The following HMGB1 variants were observed in gnomAD, a reference collection of about 807,000 sequenced individuals.
HMGB1 encodes high mobility group protein B1.
For missense variants in HMGB1, 79 were observed against 253.5 expected, an observed-to-expected ratio of 0.31 and a Z score of 4.67; for synonymous variants, 81 against 84.0, an observed-to-expected ratio of 0.96 and a Z score of 0.19.
chr13:30,590,436 G>A (rs1871318531), intron 1 of HMGB1, among the ~76,000 whole-genome samples: 1 of 152,142 alleles, frequency 6.6e-6, no homozygotes, highest in South Asian at 2.1e-4. Flanking sequence ...CCGGGCTCAA[G>A]TGATCCACCT....
At chr13:30,539,162 G>A (rs1868742841) in intron 1 of HMGB1, among the ~76,000 whole-genome samples, 1 of 152,216 alleles carries the variant, frequency 6.6e-6, no homozygotes, top group South Asian at 2.1e-4. Context: ...CTCCCAAAGT[G>A]CTGGGATTAC....
intron 1 of HMGB1, among the ~76,000 whole-genome samples, chr13:30,612,552 A>G (rs1950522261): frequency 6.6e-6 from 1 of 152,176 alleles, no homozygotes; most frequent in South Asian, 2.1e-4. Context: ...TTCTTTTGCT[A>G]TTGTTTCTAC....
intron 1 of HMGB1, among the ~76,000 whole-genome samples, chr13:30,611,708 A>G (rs1414305208): frequency 6.6e-6 from 1 of 152,222 alleles, no homozygotes; most frequent in African/African-American, 2.4e-5. Context: ...AATAAGGACT[A>G]TGCATTATTC....
Position 30,460,261 on chromosome 13 carries a change from T to A in HMGB1, c.*1096A>T, listed in dbSNP as rs1433066268. On this transcript the variant is annotated 3_prime_UTR_variant, in exon 5 of 5. Coordinates refer to ENST00000341423, the MANE Select transcript of HMGB1 (RefSeq NM_002128.7). ...AATATACCCTATTTTGAATGTGGCATCTTTGTTTGAAAAGCTGGCCCAATT... is the reference window on the plus strand; with the variant it reads ...AATATACCCTATTTTGAATGTGGCAACTTTGTTTGAAAAGCTGGCCCAATT... 1 of 150,380 alleles carries A rather than the reference T, an allele frequency of 6.6e-6. No individual in the cohort carries two copies. The highest frequency in any genetic ancestry group is 1.5e-5 in the Non-Finnish European group (1 of 67,858). The allele number at this position is 150,380 out of a possible 1,614,324, so 9.3% of individuals were successfully genotyped here. A position where few individuals can be genotyped will look rare whatever the true frequency, so the allele number is the denominator to read the frequency against.
intron 1 of HMGB1, among the ~76,000 whole-genome samples, chr13:30,531,813 C>T (rs1220449402): frequency 2.6e-5 from 4 of 151,694 alleles, no homozygotes; most frequent in African/African-American, 9.7e-5. Flanking sequence ...AGGAGAATGG[C>T]TTGAACCCAG....
intron 1 of HMGB1, among the ~76,000 whole-genome samples, chr13:30,599,177 T>C (rs952343717): frequency 1.3e-5 from 2 of 152,152 alleles, no homozygotes; most frequent in African/African-American, 4.8e-5. Flanking sequence ...TGTCGTAACG[T>C]AACACTACAG....
intron 1 of HMGB1, among the ~76,000 whole-genome samples, chr13:30,541,377 T>A (rs1868875791): frequency 6.6e-6 from 1 of 152,342 alleles, no homozygotes; most frequent in Middle Eastern, 3.4e-3. Flanking sequence ...AGTCTTAGCA[T>A]TGATAAAACC....
chr13:30,530,303 C>T (rs754913752), intron 1 of HMGB1, among the ~76,000 whole-genome samples: 24 of 152,098 alleles, frequency 1.6e-4, no homozygotes, highest in Admixed American at 9.8e-4. Flanking sequence ...CCCATGCCCA[C>T]GATATCTCAT....
intron 1 of HMGB1, among the ~76,000 whole-genome samples, chr13:30,515,887 T>C (rs1346965145): frequency 6.6e-6 from 1 of 152,204 alleles, no homozygotes; most frequent in East Asian, 1.9e-4. Flanking sequence ...TAAAATTTCT[T>C]TGCATGAATT....
intron 1 of HMGB1, among the ~76,000 whole-genome samples, chr13:30,475,605 TAGG>T (rs1453406214): frequency 6.6e-6 from 1 of 151,214 alleles, no homozygotes; most frequent in African/African-American, 2.4e-5. Flanking sequence ...AAGGCTGAGA[TAGG>T]AGGATTGTTT....
At chr13:30,477,268 T>C (rs1887119224) in intron 1 of HMGB1, among the ~76,000 whole-genome samples, 2 of 149,788 alleles carry the variant, frequency 1.3e-5, no homozygotes. Context: ...CTACCATTGT[T>C]GCGATGGACT....
chr13:30,563,586 C>T (rs79031494), intron 1 of HMGB1, among the ~76,000 whole-genome samples: 20 of 152,016 alleles, frequency 1.3e-4, no homozygotes, highest in Admixed American at 2.6e-4. Context: ...CTCCAGCCTG[C>T]GCAACACACT....
At chr13:30,483,373 C>T (rs1887281552) in intron 1 of HMGB1, among the ~76,000 whole-genome samples, 2 of 152,064 alleles carry the variant, frequency 1.3e-5, no homozygotes, top group South Asian at 2.1e-4. Context: ...CCTCACTCCC[C>T]GCAACCAGCA....
intron 1 of HMGB1, among the ~76,000 whole-genome samples, chr13:30,555,169 G>C (rs1188745740): frequency 1.3e-5 from 2 of 151,374 alleles, no homozygotes; most frequent in East Asian, 3.9e-4. Flanking sequence ...AGCCTCCGGA[G>C]TAGCTGGGAA....
At chr13:30,612,367 G>A (rs1950520769) in intron 1 of HMGB1, among the ~76,000 whole-genome samples, 1 of 152,138 alleles carries the variant, frequency 6.6e-6, no homozygotes. Context: ...AGACTCCAAG[G>A]ATGAGAAGAC....
intron 1 of HMGB1, among the ~76,000 whole-genome samples, chr13:30,544,154 G>C (rs1037784326): frequency 6.6e-6 from 1 of 152,198 alleles, no homozygotes; most frequent in Non-Finnish European, 1.5e-5. Context: ...GCCTGGGATT[G>C]AACATGCAAG....
At chr13:30,538,668 C>CTTTCTTTCCTT (rs1555238872) in intron 1 of HMGB1, among the ~76,000 whole-genome samples, 4 of 19,652 alleles carry the variant, frequency 2.0e-4, no homozygotes, top group African/African-American at 6.1e-4. Flanking sequence ...TCTTTCCTTT[C>CTTTCTTTCCTT]TTTCTTTCTT....
chr13:30,556,475 C>T (rs576481907), intron 1 of HMGB1, among the ~76,000 whole-genome samples: 2 of 152,276 alleles, frequency 1.3e-5, no homozygotes, highest in Admixed American at 1.3e-4. Flanking sequence ...TACTGCAGCA[C>T]TATTCTCAAT....
chr13:30,590,447 G>C (rs1287892986), intron 1 of HMGB1, among the ~76,000 whole-genome samples: 1 of 152,112 alleles, frequency 6.6e-6, no homozygotes, highest in Admixed American at 6.5e-5. Flanking sequence ...TGATCCACCT[G>C]CCTTGGCCTC....
Sources: gnomAD v4.1 joint callset for allele counts (sites outside exome capture counted in the v4.1 genomes callset) on GRCh38, gnomAD v4.1.1 for gene constraint, MANE v1.5 for transcripts, NCBI Gene and HGNC (gene_info 2026-07-23, HGNC 2026-07-21) for gene names.